Variants in LYPD6 observed in about 807,000 individuals in gnomAD.
LYPD6 encodes the protein ly6/PLAUR domain-containing protein 6.
In LYPD6, 15 loss-of-function variants were observed where a neutral mutation model predicts 22.7. The observed-to-expected ratio is 0.66, with a 90% CI of 0.44 to 1.02. The LOEUF is 1.02. Among genes scored for constraint, LYPD6 ranks in the 50% least tolerant of loss-of-function variants. The pLI is 0.00. For synonymous variants in LYPD6, 72 were observed against 77.5 expected (o/e 0.93, Z 0.37); for missense variants, 189 against 208.4 (o/e 0.91, Z 0.57).
intron 4 of LYPD6, among the ~76,000 whole-genome samples, chr2:149,469,079 C>T (rs906250509): frequency 6.6e-6 from 1 of 152,140 alleles, no homozygotes; most frequent in Non-Finnish European, 1.5e-5. Flanking sequence ...AGCAAGAGAC[C>T]AGTTATGTCC....
chr2:149,415,778 C>T (rs1438294832), intron 1 of LYPD6, among the ~76,000 whole-genome samples: 4 of 152,124 alleles, frequency 2.6e-5, no homozygotes, highest in Admixed American at 1.3e-4. Context: ...GTGATCCTCC[C>T]ACCCCAGCCT....
chr2:149,371,639 A>T (rs1439742457), intron 1 of LYPD6, among the ~76,000 whole-genome samples: 2 of 152,126 alleles, frequency 1.3e-5, no homozygotes, highest in African/African-American at 4.8e-5. Flanking sequence ...GCATTTTTTG[A>T]GTGCCTCACA....
intron 3 of LYPD6, among the ~76,000 whole-genome samples, chr2:149,455,096 C>T (rs1357006254): frequency 1.3e-5 from 2 of 152,096 alleles, no homozygotes; most frequent in African/African-American, 4.8e-5. Context: ...TGGTACCTTG[C>T]TCTTTAAATC....
intron 4 of LYPD6, among the ~76,000 whole-genome samples, chr2:149,469,281 C>T (rs186529767): frequency 6.6e-6 from 1 of 152,128 alleles, no homozygotes; most frequent in Non-Finnish European, 1.5e-5. Flanking sequence ...TTAAGCTTCA[C>T]CTGGTACCTG....
intron 1 of LYPD6, among the ~76,000 whole-genome samples, chr2:149,429,208 C>G (rs1319013475): frequency 6.6e-6 from 1 of 152,172 alleles, no homozygotes; most frequent in Non-Finnish European, 1.5e-5. Flanking sequence ...TTACTCTGGC[C>G]AATTCTTGGT....
intron 1 of LYPD6, among the ~76,000 whole-genome samples, chr2:149,357,280 T>C (rs2105064514): frequency 6.6e-6 from 1 of 152,366 alleles, no homozygotes; most frequent in East Asian, 1.9e-4. Flanking sequence ...TGCATTATGA[T>C]TGACACTGAG....
At chr2:149,370,665 G>A (rs996612242) in intron 1 of LYPD6, 1 of 152,208 alleles carries the variant, frequency 6.6e-6, no homozygotes, top group African/African-American at 2.4e-5. Flanking sequence ...CCGGTCTGTG[G>A]TATATTGTTA....
chr2:149,430,314 G>C (rs775451737), intron 1 of LYPD6, among the ~76,000 whole-genome samples: 1 of 152,082 alleles, frequency 6.6e-6, no homozygotes, highest in Non-Finnish European at 1.5e-5. Flanking sequence ...TGGCCAGACT[G>C]GTCTCAAACT....
rs182089055 is a variant in LYPD6 at position 149,345,847 on chromosome 2, T to C, written c.-72+15125T>C. The stretch of plus-strand genomic sequence containing the variant: ...TATATAAAAGATATATTAACAATAT[T>C]AGCTTTGCTCTGAGGTCTCGTAGGT... On this transcript the variant is annotated intron_variant, in intron 1 of 4. Coordinates refer to ENST00000334166, the MANE Select transcript of LYPD6 (RefSeq NM_194317.5). Among the ~76,000 whole-genome samples the C allele has an allele frequency of 1.7e-3, 265 of 152,322 alleles. 3 individuals are homozygous for C. The highest frequency in any genetic ancestry group is 3.2e-4 in the Non-Finnish European group (22 of 68,030).
At chr2:149,393,160 C>T (rs1682351968) in intron 1 of LYPD6, among the ~76,000 whole-genome samples, 1 of 152,196 alleles carries the variant, frequency 6.6e-6, no homozygotes, top group Non-Finnish European at 1.5e-5. Context: ...TACAATGACT[C>T]AGTGACAGCT....
At chr2:149,418,321 T>C (rs1298729325) in intron 1 of LYPD6, among the ~76,000 whole-genome samples, 1 of 152,210 alleles carries the variant, frequency 6.6e-6, no homozygotes, top group Non-Finnish European at 1.5e-5. Flanking sequence ...TTCCTTTTTT[T>C]CCCTCATGTC....
At chr2:149,420,485 T>C (rs1270202788) in intron 1 of LYPD6, among the ~76,000 whole-genome samples, 1 of 152,180 alleles carries the variant, frequency 6.6e-6, no homozygotes, top group Non-Finnish European at 1.5e-5. Flanking sequence ...TCTTTTGTTG[T>C]CATAAAAATC....
In LYPD6 at chr2:149,468,756, C is replaced by G; in HGVS notation, c.329C>G (p.Ser110Cys). 1.9e-6 allele frequency: 3 copies of G among 1,613,534 alleles called. No individual in the cohort carries two copies. The highest frequency in any genetic ancestry group is 8.5e-7 in the Non-Finnish European group (1 of 1,179,680). ...EECLSTGCRD[S>C]EHEGHKVCTS... ...TGCTTATCCACTGGCTGCAGAGACT[C>G]CGAGCATGAAGGCCACAAGGTCTGG... Residue 110 changes from serine (S) to cysteine (C), a missense_variant, in exon 4 of 5, where the codon TCC (serine) becomes TGC (cysteine). Transcript: ENST00000334166.
intron 1 of LYPD6, among the ~76,000 whole-genome samples, chr2:149,373,724 C>T (rs1446726766): frequency 6.6e-6 from 1 of 152,142 alleles, no homozygotes; most frequent in Non-Finnish European, 1.5e-5. Context: ...CTGGTAGAAG[C>T]CACACGGTAG....
At chr2:149,430,252 G>A (rs187332680) in intron 1 of LYPD6, among the ~76,000 whole-genome samples, 118 of 152,114 alleles carry the variant, frequency 7.8e-4, no homozygotes, top group Middle Eastern at 6.8e-3. Context: ...GGTGCCCGCC[G>A]CCATGCCCAG....
chr2:149,346,081 T>C (rs1162678546), intron 1 of LYPD6, among the ~76,000 whole-genome samples: 1 of 152,246 alleles, frequency 6.6e-6, no homozygotes, highest in African/African-American at 2.4e-5. Context: ...TCAGTGTTTC[T>C]TGAATAAATG....
At chr2:149,434,626 G>T (rs778030136) in intron 1 of LYPD6, among the ~76,000 whole-genome samples, 11 of 152,100 alleles carry the variant, frequency 7.2e-5, no homozygotes, top group Non-Finnish European at 1.6e-4. Flanking sequence ...ATGAGTTGAC[G>T]AAGAAAGGGA....
chr2:149,351,068 T>G (rs1052535829), intron 1 of LYPD6, among the ~76,000 whole-genome samples: 4 of 152,062 alleles, frequency 2.6e-5, no homozygotes, highest in Non-Finnish European at 4.4e-5. Context: ...ATTTTTATGG[T>G]CTTAAAGACC....
intron 2 of LYPD6, among the ~76,000 whole-genome samples, chr2:149,441,572 G>A (rs898473280): frequency 7.2e-5 from 11 of 152,164 alleles, no homozygotes; most frequent in African/African-American, 2.7e-4. Context: ...AAACTTCATG[G>A]CTTTCAAACC....
Sources: gnomAD v4.1 joint callset for allele counts (sites outside exome capture counted in the v4.1 genomes callset) on GRCh38, gnomAD v4.1.1 for gene constraint, MANE v1.5 for transcripts, NCBI Gene and HGNC (gene_info 2026-07-23, HGNC 2026-07-21) for gene names.